The following RNASE4 variants were observed in gnomAD, a reference collection of about 807,000 sequenced individuals.
RNASE4 encodes the protein ribonuclease A family member 4.
For missense variants in RNASE4, 194 were observed against 192.8 expected, an observed-to-expected ratio of 1.01 and a Z score of -0.04; for synonymous variants, 93 against 71.4, an observed-to-expected ratio of 1.30 and a Z score of -1.52.
intron 1 of RNASE4, chr14:20,694,109 A>G (rs1886982669): frequency 9.1e-6 from 12 of 1,315,136 alleles, no homozygotes; most frequent in Non-Finnish European, 1.3e-5. Flanking sequence ...AAGGGCCCAA[A>G]GAAAGAGCTA....
At chr14:20,693,025 T>G (rs898345262) in intron 1 of RNASE4, among the ~76,000 whole-genome samples, 1 of 151,538 alleles carries the variant, frequency 6.6e-6, no homozygotes, top group Non-Finnish European at 1.5e-5. Flanking sequence ...TTTTTTGTAT[T>G]TTTAGTAGAG....
rs1313570304 is a variant in RNASE4, at chr14:20,699,858, T to G, written c.*43T>G. The G allele has an allele frequency of 6.6e-5, 102 of 1,552,582 alleles. 1 individual carries two copies. Among genetic ancestry groups the G allele is most frequent in the Non-Finnish European group, 9.0e-5 (102 of 1,130,352 alleles). ...TTATCGCGAGTGGTTGACCTTACAC[T>G]TACTCCTTAAATAGCAGTGAGTAAT... On this transcript the variant is annotated 3_prime_UTR_variant, in exon 2 of 2. Transcript: ENST00000555835.
rs1887258405 is a variant in RNASE4 at position 20,700,521 on chromosome 14, TAA to T, written c.*707_*708del. ...AGTACTAAAAAATGTACTAGATCAT[TAA>T]GACTTATGTGCTCTTACTGATTGAA... On this transcript the variant is annotated 3_prime_UTR_variant, in exon 2 of 2. Transcript: ENST00000555835. 1 of 167,112 alleles carries T rather than the reference TAA, an allele frequency of 6.0e-6. No homozygotes were observed. Among genetic ancestry groups the T allele is most frequent in the African/African-American group, 2.4e-5 (1 of 41,430 alleles). The allele number at this position is 167,112 out of a possible 1,614,324, so 10.4% of individuals were successfully genotyped here.
intron 1 of RNASE4, among the ~76,000 whole-genome samples, chr14:20,698,007 C>A: frequency 6.6e-6 from 1 of 152,150 alleles, no homozygotes; most frequent in Middle Eastern, 3.2e-3. Flanking sequence ...CAATTCTGAG[C>A]ATAAATGTCT....
Position 20,699,683 on chromosome 14 carries a change from G to A in RNASE4, c.312G>A (p.Val104=). The part of the protein sequence containing the change: ...NGKMNCHEGV[V]KVTDCRDTGS... The stretch of plus-strand genomic sequence containing the variant: ...AGATGAACTGCCATGAGGGTGTAGT[G>A]AAGGTCACAGATTGCAGGGACACAG... The change falls in exon 2 of 2, where the codon GTG becomes GTA. Residue 104 remains valine (V), a synonymous_variant. Coordinates refer to ENST00000555835, the MANE Select transcript of RNASE4 (RefSeq NM_002937.5). 6.2e-7 allele frequency: 1 copy of A among 1,610,282 alleles called. No homozygotes were observed. Among genetic ancestry groups the A allele is most frequent in the Non-Finnish European group, 8.5e-7 (1 of 1,180,010 alleles).
At position 20,693,943 on chromosome 14, in the gene RNASE4, G is replaced by A. The variant is rs553513710; in HGVS notation, c.-17-5412G>A. 32 of 1,614,112 alleles carry A rather than the reference G, an allele frequency of 2.0e-5. No homozygotes were observed. The East Asian group carries it at 4.0e-4, about 20-fold the overall frequency. ...CCGAGCCACAGCGGGGTTCAGAAAC[G>A]TTGTTGTTGCTTGTGAAAATGGCTT... On this transcript the variant is annotated intron_variant, in intron 1 of 1. Transcript: ENST00000555835.
rs770196299 is a variant in RNASE4, at chr14:20,699,702, G to C, written c.331G>C (p.Asp111His). 2 of 1,609,848 alleles carry C rather than the reference G, an allele frequency of 1.2e-6. No homozygotes were observed. Among genetic ancestry groups the C allele is most frequent in the South Asian group, 2.2e-5 (2 of 91,082 alleles). ...EGVVKVTDCR[D>H]TGSSRAPNCR... ...TGTAGTGAAGGTCACAGATTGCAGGGACACAGGAAGTTCCAGGGCACCCAA... is the reference window on the plus strand; with the variant it reads ...TGTAGTGAAGGTCACAGATTGCAGGCACACAGGAAGTTCCAGGGCACCCAA... Residue 111 changes from aspartate (D) to histidine (H), a missense_variant, in exon 2 of 2, where the codon GAC (aspartate) becomes CAC (histidine). Asp to His is a moderately conservative substitution (Grantham distance 81). Coordinates refer to ENST00000555835, the MANE Select transcript of RNASE4 (RefSeq NM_002937.5).
intron 1 of RNASE4, among the ~76,000 whole-genome samples, chr14:20,692,993 G>C (rs1210584630): frequency 1.3e-5 from 2 of 151,006 alleles, no homozygotes; most frequent in Admixed American, 1.3e-4. Flanking sequence ...GACTACAGGC[G>C]CCCGCCACTA....
At chr14:20,693,576 C>T (rs755200671) in intron 1 of RNASE4, 2 of 1,612,706 alleles carry the variant, frequency 1.2e-6, no homozygotes, top group South Asian at 1.1e-5. Context: ...TGGTGATGGG[C>T]CTGGGCGTTT....
At chr14:20,699,069 C>T in intron 1 of RNASE4, 1 of 287,010 alleles carries the variant, frequency 3.5e-6, no homozygotes. Flanking sequence ...TCCACACAAA[C>T]CTGGCAGCCA....
In RNASE4 at chr14:20,700,669, G is replaced by T. The variant is rs1887263849; in HGVS notation, c.*854G>T. The T allele has an allele frequency of 6.0e-6, 1 of 166,802 alleles. No individual in the cohort carries two copies. The highest frequency in any genetic ancestry group is 6.5e-5 in the Admixed American group (1 of 15,278). 10.3% of individuals were successfully genotyped at this position (166,802 alleles called of 1,614,324 possible). ...TCTTGTTTAGTTTATAAACATGCAT[G>T]CACCTTAATAACCTCATAAACTCTG... On this transcript the variant is annotated 3_prime_UTR_variant, in exon 2 of 2. Coordinates refer to ENST00000555835, the MANE Select transcript of RNASE4 (RefSeq NM_002937.5).
At chr14:20,697,109 T>C (rs1192354403) in intron 1 of RNASE4, among the ~76,000 whole-genome samples, 1 of 152,206 alleles carries the variant, frequency 6.6e-6, no homozygotes, top group African/African-American at 2.4e-5. Flanking sequence ...CCTCAAATAT[T>C]TCTCTATGTC....
rs1295263233 is a variant in RNASE4 at position 20,699,845 on chromosome 14, G to A, written c.*30G>A. ...CACCATGTAGGGATTATCGCGAGTGGTTGACCTTACACTTACTCCTTAAAT... is the reference window on the plus strand; with the variant it reads ...CACCATGTAGGGATTATCGCGAGTGATTGACCTTACACTTACTCCTTAAAT... On this transcript the variant is annotated 3_prime_UTR_variant, in exon 2 of 2. Coordinates refer to ENST00000555835, the MANE Select transcript of RNASE4 (RefSeq NM_002937.5). The A allele has an allele frequency of 6.3e-7, 1 of 1,596,566 alleles. No individual in the cohort carries two copies. Among genetic ancestry groups the A allele is most frequent in the Non-Finnish European group, 8.6e-7 (1 of 1,167,250 alleles).
At chr14:20,688,346 A>G (rs1354721376) in intron 1 of RNASE4, among the ~76,000 whole-genome samples, 1 of 152,224 alleles carries the variant, frequency 6.6e-6, no homozygotes, top group Non-Finnish European at 1.5e-5. Context: ...TACGATAAAT[A>G]GGATGTGATA....
chr14:20,687,802 C>T (rs1396101197), intron 1 of RNASE4, among the ~76,000 whole-genome samples: 2 of 152,176 alleles, frequency 1.3e-5, no homozygotes, highest in Non-Finnish European at 2.9e-5. Context: ...AGCAGGCAGC[C>T]TGTCTTTTCT....
rs368140290 is a variant in RNASE4, at chr14:20,687,123, G to A, written c.-18+2365G>A. Among the ~76,000 whole-genome samples the A allele has an allele frequency of 3.3e-5, 5 of 152,330 alleles. No homozygotes were observed. In the East Asian group the frequency reaches 7.7e-4, roughly 23 times the overall value. On this transcript the variant is annotated intron_variant, in intron 1 of 1. Coordinates refer to ENST00000555835, the MANE Select transcript of RNASE4 (RefSeq NM_002937.5). ...GTATTAAAATTACTGACAAAGATGTGATGTTCCTTAATCATAGAATATAAT... is the reference window on the plus strand; with the variant it reads ...GTATTAAAATTACTGACAAAGATGTAATGTTCCTTAATCATAGAATATAAT...
At chr14:20,694,575 C>T (rs895435523) in intron 1 of RNASE4, among the ~76,000 whole-genome samples, 17 of 152,102 alleles carry the variant, frequency 1.1e-4, no homozygotes, top group African/African-American at 4.1e-4. Flanking sequence ...GCTGGGATTA[C>T]AGGCATGAGC....
rs1887279099 is a variant in RNASE4 at position 20,701,201 on chromosome 14, T to C, written c.*1386T>C. 1 of 152,288 alleles carries C rather than the reference T, an allele frequency of 6.6e-6. No homozygotes were observed. The highest frequency in any genetic ancestry group is 1.5e-5 in the Non-Finnish European group (1 of 68,112). 9.4% of individuals were successfully genotyped at this position (152,288 alleles called of 1,614,324 possible). A position where few individuals can be genotyped will look rare whatever the true frequency, so the allele number is the denominator to read the frequency against. On this transcript the variant is annotated 3_prime_UTR_variant, in exon 2 of 2. Transcript: ENST00000555835. ...CCTGCACCCAGGTGATTAAAAAGCT[T>C]TATTGCTCACACAAAGCCTGTTTGG...
intron 1 of RNASE4, among the ~76,000 whole-genome samples, chr14:20,686,465 C>A (rs574681383): frequency 6.6e-6 from 1 of 152,268 alleles, no homozygotes; most frequent in South Asian, 2.1e-4. Context: ...GTCAGTGAAA[C>A]CTTTCTTTAG....
Sources: allele counts gnomAD v4.1 joint callset (sites outside exome capture counted in the v4.1 genomes callset), GRCh38; gene constraint gnomAD v4.1.1; transcripts MANE v1.5; gene names NCBI Gene and HGNC (gene_info 2026-07-23, HGNC 2026-07-21).